The following ZMIZ2 variants were observed in gnomAD, a reference collection of about 807,000 sequenced individuals.
ZMIZ2 encodes zinc finger MIZ domain-containing protein 2.
In ZMIZ2, 26 loss-of-function variants were observed where a neutral mutation model predicts 93.9. That is an observed-to-expected ratio of 0.28 (90% CI 0.20 to 0.38). The LOEUF is 0.38. ZMIZ2 is among the 10% of genes least tolerant of loss of function. The pLI, the probability that ZMIZ2 is intolerant of heterozygous loss-of-function variation, is 1.00. For synonymous variants in ZMIZ2, 485 were observed against 516.4 expected (o/e 0.94, Z 0.82); for missense variants, 1,023 against 1,235.0 (o/e 0.83, Z 2.57).
At position 44,765,778 on chromosome 7, in the gene ZMIZ2, C is replaced by A; in HGVS notation, c.2242+199C>A. 1.9e-6 allele frequency: 2 copies of A among 1,034,492 alleles called. No homozygotes were observed. The highest frequency in any genetic ancestry group is 2.7e-6 in the Non-Finnish European group (2 of 734,888). 64.1% of individuals were successfully genotyped at this position (1,034,492 alleles called of 1,614,324 possible). On this transcript the variant is annotated intron_variant, in intron 16 of 18. Coordinates refer to ENST00000309315, the MANE Select transcript of ZMIZ2 (RefSeq NM_031449.4). This position sits in a 1 kb window ranked among gnomAD's most constrained non-coding sequence, Gnocchi z 4.1. ...CGTGGCGGTGAAGGCACAGTCTCAG[C>A]TATGGTCCCAGGAAACAGACAGTGG...
intron 1 of ZMIZ2, among the ~76,000 whole-genome samples, chr7:44,754,951 G>T (rs1790464590): frequency 6.6e-6 from 1 of 152,210 alleles, no homozygotes; most frequent in Non-Finnish European, 1.5e-5. Flanking sequence ...GGTAGTGCCA[G>T]TGAGGGCCCT....
At position 44,767,810 on chromosome 7, in the gene ZMIZ2, G is replaced by T. The variant is rs1490476458; in HGVS notation, c.*187G>T. ...GAAGCAGCCCTGTGCTCGATGGGAG[G>T]GGCTCCCAGGCCGGCAGCCCTTGCC... is the stretch of plus-strand genomic sequence containing the variant. On this transcript the variant is annotated 3_prime_UTR_variant, in exon 19 of 19. Transcript: ENST00000309315. The T allele has an allele frequency of 2.6e-5, 16 of 613,978 alleles. No homozygotes were observed. The highest frequency in any genetic ancestry group is 4.3e-5 in the Non-Finnish European group (15 of 348,184). The allele number at this position is 613,978 out of a possible 1,614,324, so 38.0% of individuals were successfully genotyped here. A position where few individuals can be genotyped will look rare whatever the true frequency, so the allele number is the denominator to read the frequency against.
chr7:44,762,749 C>T (rs1285609661), intron 11 of ZMIZ2, 132 bp from the exon 12 acceptor site: 1 of 529,894 alleles, frequency 1.9e-6, no homozygotes, highest in Non-Finnish European at 3.0e-6. Context: ...CCACCCCCAG[C>T]TCACCCTGCC....
In ZMIZ2 at chr7:44,765,185, C is replaced by G; in HGVS notation, c.1998-150C>G. ...CCTACCTGAGTGTTGGTGCTGGGCC[C>G]AGCGTCCTGCTCGATGTGGAAGGTG... On this transcript the variant is annotated intron_variant, in intron 15 of 18. Coordinates refer to ENST00000309315, the MANE Select transcript of ZMIZ2 (RefSeq NM_031449.4). The surrounding 1 kb of genome is among the most constrained non-coding windows in gnomAD (Gnocchi z 4.1). 6.8e-7 allele frequency: 1 copy of G among 1,474,574 alleles called. No homozygotes were observed. The highest frequency in any genetic ancestry group is 9.2e-7 in the Non-Finnish European group (1 of 1,088,392). The allele number at this position is 1,474,574 out of a possible 1,614,324, so 91.3% of individuals were successfully genotyped here.
intron 1 of ZMIZ2, among the ~76,000 whole-genome samples, chr7:44,750,304 C>T (rs1790025576): frequency 6.6e-6 from 1 of 152,220 alleles, no homozygotes; most frequent in Non-Finnish European, 1.5e-5. Context: ...ATGAACTCTG[C>T]ATCCTGACTT....
At position 44,764,459 on chromosome 7, in the gene ZMIZ2, G is replaced by A. The variant is rs529111827; in HGVS notation, c.1901G>A (p.Arg634Gln). ...TCGTACCTGCAGCTCAACTGTGAGC[G>A]GGGGACTTGGAGGTGTCCTGTGTGC... is the stretch of plus-strand genomic sequence containing the variant. ...LESYLQLNCE[R>Q]GTWRCPVCNK... Residue 634 changes from arginine (R) to glutamine (Q), a missense_variant, in exon 14 of 19, where the codon CGG becomes CAG. Physicochemically the swap from Arg to Gln is conservative, Grantham distance 43. Around this residue, in one of 3 missense-constraint regions of ZMIZ2, gnomAD observed 48 missense variants for 99.1 expected, o/e 0.48. Transcript: ENST00000309315. The A allele has an allele frequency of 3.1e-6, 5 of 1,614,142 alleles. No homozygotes were observed. The highest frequency in any genetic ancestry group is 3.3e-5 in the Admixed American group (2 of 60,016).
rs1791494122 is a variant in ZMIZ2, at chr7:44,764,420, G to A, written c.1862G>A (p.Cys621Tyr). The A allele has an allele frequency of 1.2e-6, 2 of 1,614,062 alleles. No individual in the cohort carries two copies. The highest frequency in any genetic ancestry group is 1.7e-6 in the Non-Finnish European group (2 of 1,180,020). ...ARGHDCRHIQCFDLESYLQLN... is the reference protein window; with the variant it reads ...ARGHDCRHIQYFDLESYLQLN... ...GACTTTCTTCCCATCTCTCTACAGTGCTTTGACCTGGAGTCGTACCTGCAG... is the reference window on the plus strand; with the variant it reads ...GACTTTCTTCCCATCTCTCTACAGTACTTTGACCTGGAGTCGTACCTGCAG... The change falls in exon 14 of 19, where the codon TGC becomes TAC. Residue 621 changes from cysteine (C) to tyrosine (Y), a missense_variant and splice_region_variant. Physicochemically the swap from Cys to Tyr is radical, Grantham distance 194. This residue lies in a region of ZMIZ2 where 48 missense variants were observed against 99.1 expected (regional missense o/e 0.48). Transcript: ENST00000309315.
In ZMIZ2 at chr7:44,761,745, T is replaced by G. The variant is rs769130201; in HGVS notation, c.1436T>G (p.Met479Arg). 31 of 1,613,974 alleles carry G rather than the reference T, an allele frequency of 1.9e-5. No homozygotes were observed. Among genetic ancestry groups the G allele is most frequent in the Middle Eastern group, 1.6e-4 (1 of 6,084 alleles). The stretch of plus-strand genomic sequence containing the variant: ...TGCTACCACCACGAGGACCGGCAGA[T>G]GAACACCAACTGGCCAGCCTCGGTG... ...FKCYHHEDRQMNTNWPASVQV... is the reference protein window; with the variant it reads ...FKCYHHEDRQRNTNWPASVQV... The change falls in exon 11 of 19, where the codon ATG (methionine) becomes AGG (arginine). Residue 479 changes from methionine (M) to arginine (R), a missense_variant. Transcript: ENST00000309315. The surrounding 1 kb of genome is among the most constrained non-coding windows in gnomAD (Gnocchi z 5.8).
In ZMIZ2 at chr7:44,761,171, T is replaced by C. The variant is rs1170103175; in HGVS notation, c.1241-278T>C. Among the ~76,000 whole-genome samples the C allele has an allele frequency of 6.6e-6, 1 of 152,220 alleles. No individual in the cohort carries two copies. Among genetic ancestry groups the C allele is most frequent in the African/African-American group, 2.4e-5 (1 of 41,456 alleles). On this transcript the variant is annotated intron_variant, in intron 9 of 18. Transcript: ENST00000309315. This position sits in a 1 kb window ranked among gnomAD's most constrained non-coding sequence, Gnocchi z 5.8. ...ACACCTTTTGTCTGGGCTGGGGACATGTTCCCCTATTATGGTTTAGGGGAC... is the reference window on the plus strand; with the variant it reads ...ACACCTTTTGTCTGGGCTGGGGACACGTTCCCCTATTATGGTTTAGGGGAC...
In ZMIZ2 at chr7:44,766,805, C is replaced by T. The variant is rs1410947595; in HGVS notation, c.2655+142C>T. 4 of 1,363,230 alleles carry T rather than the reference C, an allele frequency of 2.9e-6. No homozygotes were observed. Among genetic ancestry groups the T allele is most frequent in the African/African-American group, 2.9e-5 (2 of 68,692 alleles). The allele number at this position is 1,363,230 out of a possible 1,614,324, so 84.4% of individuals were successfully genotyped here. On this transcript the variant is annotated intron_variant, in intron 18 of 18. Coordinates refer to ENST00000309315, the MANE Select transcript of ZMIZ2 (RefSeq NM_031449.4). This position sits in a 1 kb window ranked among gnomAD's most constrained non-coding sequence, Gnocchi z 4.4. ...AGGTCAACTAAATGCAGCTTTTGTT[C>T]ATGAATTAGATACCTGGAGTAGCTG...
Position 44,761,421 on chromosome 7 carries a change from G to A in ZMIZ2, c.1241-28G>A. The A allele has an allele frequency of 6.2e-7, 1 of 1,608,238 alleles. No individual in the cohort carries two copies. Among genetic ancestry groups the A allele is most frequent in the Admixed American group, 1.7e-5 (1 of 59,938 alleles). Reference sequence around the variant, plus strand: ...AAGACGCTCTGGCTGGGGCAACCCAGCTCACAGCCAGTGGCCTCTGCTCCC... The same window carrying A: ...AAGACGCTCTGGCTGGGGCAACCCAACTCACAGCCAGTGGCCTCTGCTCCC... On this transcript the variant is annotated intron_variant, in intron 9 of 18. Transcript: ENST00000309315. This position sits in a 1 kb window ranked among gnomAD's most constrained non-coding sequence, Gnocchi z 5.8.
chr7:44,766,138 C>T lies in ZMIZ2; in HGVS notation c.2243-26C>T. The T allele has an allele frequency of 1.3e-6, 2 of 1,590,976 alleles. No individual in the cohort carries two copies. Among genetic ancestry groups the T allele is most frequent in the African/African-American group, 1.3e-5 (1 of 74,416 alleles). On this transcript the variant is annotated intron_variant, in intron 16 of 18. Coordinates refer to ENST00000309315, the MANE Select transcript of ZMIZ2 (RefSeq NM_031449.4). This position sits in a 1 kb window ranked among gnomAD's most constrained non-coding sequence, Gnocchi z 4.4. Reference sequence around the variant, plus strand: ...CAGCGGTGGCCTTCCCCAGCCCTCACCCAGGCCCCGACTCTCCTCTCACAG... The same window carrying T: ...CAGCGGTGGCCTTCCCCAGCCCTCATCCAGGCCCCGACTCTCCTCTCACAG...
In ZMIZ2 at chr7:44,763,143, C is replaced by A; in HGVS notation, c.1703-113C>A. 6.6e-7 allele frequency: 1 copy of A among 1,505,192 alleles called. No individual in the cohort carries two copies. The highest frequency in any genetic ancestry group is 9.1e-7 in the Non-Finnish European group (1 of 1,104,744). The allele number at this position is 1,505,192 out of a possible 1,614,324, so 93.2% of individuals were successfully genotyped here. ...GGGGCAGTGGTTAGTTCCAGGTGGC[C>A]CCTCAGAGCTGTCAGTGGGTCAGTG... On this transcript the variant is annotated intron_variant, in intron 12 of 18. Coordinates refer to ENST00000309315, the MANE Select transcript of ZMIZ2 (RefSeq NM_031449.4). The surrounding 1 kb of genome is among the most constrained non-coding windows in gnomAD (Gnocchi z 5.6).
At chr7:44,754,375 C>G (rs1790415170) in intron 1 of ZMIZ2, among the ~76,000 whole-genome samples, 1 of 152,162 alleles carries the variant, frequency 6.6e-6, no homozygotes, top group Admixed American at 6.5e-5. Context: ...AGCCTATGGG[C>G]TGGGAATCAA....
intron 4 of ZMIZ2, 74 bp downstream of exon 4, chr7:44,757,223 G>C (rs993577436): frequency 1.1e-5 from 17 of 1,517,690 alleles, no homozygotes; most frequent in East Asian, 2.4e-5. Context: ...CTGTGGCGCT[G>C]ATCAGCTGGA....
In ZMIZ2 at chr7:44,761,458, C is replaced by G; in HGVS notation, c.1250C>G (p.Pro417Arg). 1 of 1,613,414 alleles carries G rather than the reference C, an allele frequency of 6.2e-7. No homozygotes were observed. The highest frequency in any genetic ancestry group is 1.1e-5 in the South Asian group (1 of 91,084). Residue 417 changes from proline (P) to arginine (R), a missense_variant, in exon 10 of 19, where the codon CCT (proline) becomes CGT (arginine). Pro to Arg is a moderately radical substitution (Grantham distance 103). Around this residue, in one of 3 missense-constraint regions of ZMIZ2, gnomAD observed 656 missense variants for 777.1 expected, o/e 0.84. Transcript: ENST00000309315. The surrounding 1 kb of genome is among the most constrained non-coding windows in gnomAD (Gnocchi z 5.8). Reference protein sequence around the residue: ...SLHSSPSGSGPCDELRLTFPV... With the variant: ...SLHSSPSGSGRCDELRLTFPV... ...TGGCCTCTGCTCCCAGGAAGCGGGC[C>G]TTGTGACGAGTTGCGGCTGACCTTC...
chr7:44,762,823 TG>T, intron 11 of ZMIZ2, 57 bp from the exon 12 acceptor site: 1 of 1,295,610 alleles, frequency 7.7e-7, no homozygotes, highest in South Asian at 1.4e-5. Context: ...ACCCTTTACC[TG>T]GCCAGGGTGG....
chr7:44,750,538 A>G (rs1790047333), intron 1 of ZMIZ2, among the ~76,000 whole-genome samples: 2 of 152,158 alleles, frequency 1.3e-5, no homozygotes, highest in South Asian at 4.1e-4. Context: ...TGACCTATTG[A>G]GAAGCGTTGC....
chr7:44,750,243 G>A (rs1284535910), intron 1 of ZMIZ2, among the ~76,000 whole-genome samples: 3 of 152,178 alleles, frequency 2.0e-5, no homozygotes, highest in Non-Finnish European at 1.5e-5. Context: ...CCCTTCAGCT[G>A]TTCACTGAAA....
Sources: allele counts gnomAD v4.1 joint callset (sites outside exome capture counted in the v4.1 genomes callset), GRCh38; gene constraint gnomAD v4.1.1; regional missense constraint gnomAD v4.1.1; non-coding constraint Gnocchi (gnomAD v3.1); transcripts MANE v1.5; gene names NCBI Gene and HGNC (gene_info 2026-07-23, HGNC 2026-07-21).